Variants in RAPGEF4 observed in about 807,000 individuals in gnomAD.
The protein encoded by RAPGEF4 is Rap guanine nucleotide exchange factor 4, also known as RAP guanine-nucleotide-exchange factor (GEF) 4.
A neutral mutation model predicts 147.9 loss-of-function variants in RAPGEF4; 66 were observed. The observed-to-expected ratio is 0.45, with a 90% confidence interval of 0.37 to 0.55. RAPGEF4 has a LOEUF of 0.55. RAPGEF4 is among the 20% of genes least tolerant of loss of function. RAPGEF4 has a pLI of 0.00. For synonymous variants in RAPGEF4, 419 were observed against 442.7 expected, an observed-to-expected ratio of 0.95 and a Z score of 0.67; for missense variants, 1,071 against 1,257.3, an observed-to-expected ratio of 0.85 and a Z score of 2.24.
At chr2:172,961,628 A>G (rs1028079871) in intron 8 of RAPGEF4, among the ~76,000 whole-genome samples, 4 of 152,228 alleles carry the variant, frequency 2.6e-5, no homozygotes, top group African/African-American at 7.2e-5. Flanking sequence ...TAACACTGCT[A>G]GACATGTAGA....
At chr2:172,760,740 G>A (rs2149465357) in intron 1 of RAPGEF4, among the ~76,000 whole-genome samples, 1 of 151,250 alleles carries the variant, frequency 6.6e-6, no homozygotes, top group East Asian at 1.9e-4. Context: ...AAAAGTGAAT[G>A]GATGGTTTGA....
intron 21 of RAPGEF4, among the ~76,000 whole-genome samples, chr2:173,017,785 T>C (rs568166134): frequency 2.3e-4 from 35 of 152,228 alleles, no homozygotes; most frequent in African/African-American, 7.5e-4. Flanking sequence ...GTTGTCAGGA[T>C]TGCCCACCCC....
At chr2:172,775,961 G>A (rs17754879) in intron 1 of RAPGEF4, among the ~76,000 whole-genome samples, 1 of 152,020 alleles carries the variant, frequency 6.6e-6, no homozygotes, top group Admixed American at 6.6e-5. Context: ...GCCATGAAGA[G>A]TACTTTATTC....
At chr2:172,793,927 G>A (rs1438296372) in intron 1 of RAPGEF4, among the ~76,000 whole-genome samples, 2 of 152,132 alleles carry the variant, frequency 1.3e-5, no homozygotes, top group African/African-American at 2.4e-5. Flanking sequence ...CTTGAGCCCA[G>A]GAGTTTGAGA....
At chr2:172,800,035 A>G (rs996323402) in intron 3 of RAPGEF4, among the ~76,000 whole-genome samples, 1 of 152,194 alleles carries the variant, frequency 6.6e-6, no homozygotes, top group Non-Finnish European at 1.5e-5. Context: ...CTAAACTTTT[A>G]ATTTTAGATT....
chr2:172,811,921 C>A (rs1688062339), intron 3 of RAPGEF4, among the ~76,000 whole-genome samples: 1 of 152,206 alleles, frequency 6.6e-6, no homozygotes, highest in Admixed American at 6.5e-5. Flanking sequence ...TAAGGGCTAG[C>A]ACCCATAGAC....
intron 6 of RAPGEF4, among the ~76,000 whole-genome samples, chr2:172,940,351 C>G (rs893812987): frequency 2.0e-5 from 3 of 151,998 alleles, no homozygotes; most frequent in Non-Finnish European, 4.4e-5. Flanking sequence ...GAATTGTAAT[C>G]CCAATGCTGG....
intron 6 of RAPGEF4, among the ~76,000 whole-genome samples, chr2:172,954,286 G>C (rs1176138198): frequency 6.6e-6 from 1 of 152,180 alleles, no homozygotes; most frequent in East Asian, 1.9e-4. Context: ...TCTCAATCAG[G>C]ACTCTGGATT....
chr2:173,033,298 G>A (rs1347232967), intron 26 of RAPGEF4, among the ~76,000 whole-genome samples: 1 of 152,180 alleles, frequency 6.6e-6, no homozygotes, highest in Non-Finnish European at 1.5e-5. Context: ...ATGAGAAGCA[G>A]CTGTGTGACT....
rs1393785845 is a variant in RAPGEF4, at chr2:173,051,522, A to G, written c.2909-118A>G. On this transcript the variant is annotated intron_variant, in intron 30 of 30. Coordinates refer to ENST00000397081, the MANE Select transcript of RAPGEF4 (RefSeq NM_007023.4). The stretch of plus-strand genomic sequence containing the variant: ...CGTTTCAATGATTGTGGTGTGTTGA[A>G]AGGTCTTGAGGGAACCCAGGAACCT... The G allele has an allele frequency of 7.7e-6, 8 of 1,045,454 alleles. No individual in the cohort carries two copies. In the East Asian group the frequency reaches 2.2e-4, roughly 29 times the overall value. The allele number at this position is 1,045,454 out of a possible 1,614,324, so 64.8% of individuals were successfully genotyped here.
At chr2:172,884,702 G>A (rs775326058) in intron 4 of RAPGEF4, among the ~76,000 whole-genome samples, 4 of 152,188 alleles carry the variant, frequency 2.6e-5, no homozygotes, top group African/African-American at 7.2e-5. Flanking sequence ...GGTCTGTTCT[G>A]AATGATCTGT....
At chr2:172,964,145 G>T (rs1322394522) in intron 8 of RAPGEF4, among the ~76,000 whole-genome samples, 2 of 152,064 alleles carry the variant, frequency 1.3e-5, no homozygotes, top group Non-Finnish European at 2.9e-5. Flanking sequence ...ATAATGGAAG[G>T]TCTTATGTTT....
chr2:172,758,358 G>C (rs1225119189), intron 1 of RAPGEF4, among the ~76,000 whole-genome samples: 2 of 152,132 alleles, frequency 1.3e-5, no homozygotes, highest in African/African-American at 2.4e-5. Flanking sequence ...AAAGATCTTG[G>C]GTTTTACTCT....
chr2:172,792,907 C>T (rs1324563226), intron 1 of RAPGEF4, among the ~76,000 whole-genome samples: 3 of 152,178 alleles, frequency 2.0e-5, no homozygotes, highest in African/African-American at 7.2e-5. Context: ...GCATGTAAAA[C>T]ACATGCCTCC....
chr2:173,002,686 C>T (rs1694051535), intron 17 of RAPGEF4, among the ~76,000 whole-genome samples: 1 of 149,336 alleles, frequency 6.7e-6, no homozygotes, highest in Admixed American at 6.7e-5. Context: ...ATTATAATTA[C>T]CCTACCTGAT....
At chr2:173,046,910 G>A (rs575920305) in intron 29 of RAPGEF4, among the ~76,000 whole-genome samples, 30 of 152,246 alleles carry the variant, frequency 2.0e-4, no homozygotes, top group Middle Eastern at 3.4e-3. Flanking sequence ...TATTTGTAAG[G>A]CCTTGACTCA....
intron 4 of RAPGEF4, among the ~76,000 whole-genome samples, chr2:172,881,337 T>G (rs1231050264): frequency 6.6e-6 from 1 of 152,228 alleles, no homozygotes; most frequent in Non-Finnish European, 1.5e-5. Flanking sequence ...TTGATGAGGC[T>G]CTTACTGAGC....
intron 27 of RAPGEF4, 101 bp downstream of exon 27, chr2:173,034,065 A>T: frequency 1.8e-6 from 2 of 1,125,720 alleles, no homozygotes; most frequent in Admixed American, 5.0e-5. Flanking sequence ...ATCTGTCCTT[A>T]TATGACTTTA....
intron 4 of RAPGEF4, among the ~76,000 whole-genome samples, chr2:172,909,052 C>T (rs763148142): frequency 1.2e-4 from 18 of 152,260 alleles, no homozygotes; most frequent in East Asian, 1.9e-4. Flanking sequence ...GGGCCTCCCA[C>T]GTGTATTAGC....
Sources: gnomAD v4.1 joint callset for allele counts (sites outside exome capture counted in the v4.1 genomes callset) on GRCh38, gnomAD v4.1.1 for gene constraint, MANE v1.5 for transcripts, NCBI Gene and HGNC (gene_info 2026-07-23, HGNC 2026-07-21) for gene names.